DYNC1I1: variants seen among roughly 807,000 people sequenced by gnomAD.
DYNC1I1 encodes dynein cytoplasmic 1 intermediate chain 1, also known as cytoplasmic dynein 1 intermediate chain 1.
A neutral mutation model predicts 86.6 loss-of-function variants in DYNC1I1; 43 were observed. That is an observed-to-expected ratio of 0.50 (90% CI 0.39 to 0.64). The LOEUF is 0.64. Among genes scored for constraint, DYNC1I1 ranks in the 30% least tolerant of loss-of-function variants. DYNC1I1 has a pLI of 0.00. For missense variants in DYNC1I1, 604 were observed against 788.8 expected, an observed-to-expected ratio of 0.77 and a Z score of 2.81; for synonymous variants, 262 against 283.7, an observed-to-expected ratio of 0.92 and a Z score of 0.77.
At chr7:95,898,736 GT>G (rs1411488844) in intron 6 of DYNC1I1, among the ~76,000 whole-genome samples, 1 of 152,124 alleles carries the variant, frequency 6.6e-6, no homozygotes, top group Non-Finnish European at 1.5e-5. Context: ...TTGATTGTGA[GT>G]TCATCTTCTT....
At chr7:95,821,824 A>G (rs577758925) in intron 4 of DYNC1I1, among the ~76,000 whole-genome samples, 1 of 152,176 alleles carries the variant, frequency 6.6e-6, no homozygotes, top group Non-Finnish European at 1.5e-5. Context: ...GAACTTTACT[A>G]ATTTAAATGC....
At chr7:95,837,947 G>T (rs867765837) in intron 5 of DYNC1I1, among the ~76,000 whole-genome samples, 1 of 152,202 alleles carries the variant, frequency 6.6e-6, no homozygotes, top group African/African-American at 2.4e-5. Flanking sequence ...CTCACGCTGG[G>T]AACTGTAGAC....
chr7:96,083,803 G>A (rs73708465), intron 16 of DYNC1I1, among the ~76,000 whole-genome samples: 3,487 of 152,222 alleles, frequency 0.023, 132 homozygotes, highest in African/African-American at 0.079. Flanking sequence ...TGGTTCCCTG[G>A]TCCCTATTAA....
At chr7:96,063,245 G>A (rs73232554) in intron 14 of DYNC1I1, among the ~76,000 whole-genome samples, 24,588 of 151,886 alleles carry the variant, frequency 0.16, 2,158 homozygotes, top group South Asian at 0.28. Flanking sequence ...AGGAAGGAGA[G>A]AAATAGCTGC....
intron 4 of DYNC1I1, among the ~76,000 whole-genome samples, chr7:95,819,353 A>G (rs1795023252): frequency 6.6e-6 from 1 of 151,946 alleles, no homozygotes. Flanking sequence ...TGTAGTTACT[A>G]CTTTTTTTTT....
intron 14 of DYNC1I1, among the ~76,000 whole-genome samples, chr7:96,046,112 G>C (rs1168130888): frequency 1.3e-5 from 2 of 152,144 alleles, no homozygotes; most frequent in African/African-American, 4.8e-5. Flanking sequence ...GGTTTACCTG[G>C]CAAACAGAGA....
intron 10 of DYNC1I1, among the ~76,000 whole-genome samples, chr7:96,001,262 G>A (rs539036815): frequency 5.9e-5 from 9 of 152,242 alleles, no homozygotes; most frequent in Admixed American, 5.2e-4. Context: ...ATATGAGCAC[G>A]TTTGCTGTCT....
At chr7:96,025,430 T>C (rs1369302594) in intron 10 of DYNC1I1, among the ~76,000 whole-genome samples, 2 of 149,684 alleles carry the variant, frequency 1.3e-5, no homozygotes, top group African/African-American at 4.9e-5. Flanking sequence ...AAACAGAAAA[T>C]GAAAAAAAAA....
At chr7:95,938,051 G>A (rs1792096525) in intron 6 of DYNC1I1, among the ~76,000 whole-genome samples, 1 of 152,020 alleles carries the variant, frequency 6.6e-6, no homozygotes, top group South Asian at 2.1e-4. Flanking sequence ...TGGTGCCTGA[G>A]GCTTTCCTTA....
At chr7:95,857,657 T>C (rs1301049621) in intron 5 of DYNC1I1, among the ~76,000 whole-genome samples, 2 of 152,230 alleles carry the variant, frequency 1.3e-5, no homozygotes, top group Non-Finnish European at 2.9e-5. Context: ...TGAAATGTGA[T>C]GTTAACTTAG....
chr7:96,067,037 G>A (rs560052720), intron 14 of DYNC1I1, among the ~76,000 whole-genome samples: 56 of 152,128 alleles, frequency 3.7e-4, no homozygotes, highest in African/African-American at 1.2e-3. Context: ...GGACCTTACC[G>A]TGTTTTATTT....
rs572698045 is a variant in DYNC1I1 at position 95,983,249 on chromosome 7, C to T, written c.581-1566C>T. On this transcript the variant is annotated intron_variant, in intron 7 of 16. Coordinates refer to ENST00000447467, the MANE Select transcript of DYNC1I1 (RefSeq NM_001135556.2). ...GAAGTTAATGGGGTCCTTGGAAAGT[C>T]TCAGTACACACTGGAATATTTAGGG... 4.1e-4 allele frequency among the ~76,000 whole-genome samples: 63 copies of T among 152,134 alleles called. 1 individual carries two copies. Among genetic ancestry groups the T allele is most frequent in the Non-Finnish European group, 7.4e-4 (50 of 68,016 alleles).
At chr7:95,909,633 A>G (rs1383728344) in intron 6 of DYNC1I1, among the ~76,000 whole-genome samples, 2 of 151,880 alleles carry the variant, frequency 1.3e-5, no homozygotes, top group South Asian at 4.2e-4. Flanking sequence ...AAATCGCATC[A>G]CCCCCTTGCT....
intron 4 of DYNC1I1, among the ~76,000 whole-genome samples, chr7:95,825,797 C>T (rs1005776913): frequency 6.6e-6 from 1 of 152,186 alleles, no homozygotes; most frequent in African/African-American, 2.4e-5. Context: ...ATGCTTTCTG[C>T]ATGCTGACTA....
intron 6 of DYNC1I1, 135 bp downstream of exon 6, chr7:95,870,133 C>T (rs1790124940): frequency 2.7e-6 from 2 of 743,504 alleles, no homozygotes; most frequent in African/African-American, 3.7e-5. Flanking sequence ...AAAGCCAAAG[C>T]CTCTTCTGAG....
At chr7:95,957,351 C>T (rs1057250026) in intron 6 of DYNC1I1, among the ~76,000 whole-genome samples, 3 of 152,114 alleles carry the variant, frequency 2.0e-5, no homozygotes, top group African/African-American at 7.2e-5. Context: ...CTCCACCCCA[C>T]CCCAACCCTC....
intron 6 of DYNC1I1, among the ~76,000 whole-genome samples, chr7:95,901,008 AAAAAT>A (rs1791024039): frequency 1.3e-5 from 2 of 152,354 alleles, no homozygotes; most frequent in South Asian, 4.1e-4. Context: ...AGGAGGAAGA[AAAAAT>A]AAAGTGTGGC....
chr7:96,041,321 C>T (rs1789042035), intron 14 of DYNC1I1, among the ~76,000 whole-genome samples: 1 of 152,134 alleles, frequency 6.6e-6, no homozygotes, highest in Admixed American at 6.5e-5. Flanking sequence ...AGTTTTGCAA[C>T]ATACTCTGTG....
intron 6 of DYNC1I1, among the ~76,000 whole-genome samples, chr7:95,968,967 A>G (rs1793094350): frequency 6.6e-6 from 1 of 152,046 alleles, no homozygotes; most frequent in Admixed American, 6.6e-5. Flanking sequence ...GGCTCTATTC[A>G]CATAGGCCAT....
Sources: gnomAD v4.1 joint callset for allele counts (sites outside exome capture counted in the v4.1 genomes callset) on GRCh38, gnomAD v4.1.1 for gene constraint, MANE v1.5 for transcripts, NCBI Gene and HGNC (gene_info 2026-07-23, HGNC 2026-07-21) for gene names.